The following CCDC171 variants were observed in gnomAD, a reference collection of about 807,000 sequenced individuals.
The protein encoded by CCDC171 is coiled-coil domain containing 171, also known as coiled-coil domain-containing protein 171.
Under a neutral mutation model 168.2 loss-of-function variants are expected in CCDC171, and 177 were observed. That is an observed-to-expected ratio of 1.05 (90% CI 0.93 to 1.19). The LOEUF (loss-of-function observed/expected upper bound fraction) is 1.19. Among genes scored for constraint, CCDC171 ranks in the 50% most tolerant of loss-of-function variants. The pLI is 0.00. For missense variants in CCDC171, 1,991 were observed against 1,539.0 expected (o/e 1.29, Z -4.91); for synonymous variants, 687 against 540.8 (o/e 1.27, Z -3.75).
At chr9:15,847,250 G>A (rs920333362) in intron 22 of CCDC171, among the ~76,000 whole-genome samples, 4 of 151,770 alleles carry the variant, frequency 2.6e-5, no homozygotes, top group East Asian at 1.9e-4. Context: ...CTAATATTGC[G>A]AGTAATATTT....
intron 7 of CCDC171, among the ~76,000 whole-genome samples, chr9:15,654,480 G>A (rs2047767076): frequency 6.6e-6 from 1 of 152,202 alleles, no homozygotes; most frequent in Non-Finnish European, 1.5e-5. Flanking sequence ...GATTTGCCCA[G>A]AAAGAAGTAT....
At chr9:15,573,263 G>T (rs1268332598) in intron 3 of CCDC171, among the ~76,000 whole-genome samples, 1 of 151,994 alleles carries the variant, frequency 6.6e-6, no homozygotes, top group Admixed American at 6.6e-5. Context: ...AGCATTTGAG[G>T]TAATATTATT....
At chr9:15,714,155 G>A (rs933422479) in intron 11 of CCDC171, among the ~76,000 whole-genome samples, 2 of 152,152 alleles carry the variant, frequency 1.3e-5, no homozygotes, top group African/African-American at 4.8e-5. Context: ...TGCTGATGTG[G>A]TAGGAATCAC....
the CCDC171 span, among the ~76,000 whole-genome samples, chr9:16,074,528 C>T: frequency 6.6e-6 from 1 of 152,126 alleles, no homozygotes; most frequent in Non-Finnish European, 1.5e-5. Context: ...ACTGTTCTTT[C>T]CTCACAGTGC....
In CCDC171 at chr9:15,557,210, T is replaced by A. The variant is rs560497750; in HGVS notation, c.-112+3908T>A. ...GCTTTGTTCTTTTTGCTTAGGATTG[T>A]CTTGGCAATGTGGGCTCTTTTTTGG... On this transcript the variant is annotated intron_variant, in intron 1 of 25. Coordinates refer to ENST00000380701, the MANE Select transcript of CCDC171 (RefSeq NM_173550.4). Among the ~76,000 whole-genome samples the A allele has an allele frequency of 3.1e-3, 478 of 152,240 alleles. 4 individuals are homozygous for A. The highest frequency in any genetic ancestry group is 0.011 in the African/African-American group (453 of 41,556).
chr9:15,671,055 G>A (rs972472213), intron 9 of CCDC171, among the ~76,000 whole-genome samples: 1 of 152,152 alleles, frequency 6.6e-6, no homozygotes, highest in East Asian at 1.9e-4. Context: ...TCATGCCACT[G>A]TACTTCAGTG....
the CCDC171 span, among the ~76,000 whole-genome samples, chr9:16,092,876 C>T: frequency 6.6e-6 from 1 of 152,144 alleles, no homozygotes; most frequent in Admixed American, 6.5e-5. Context: ...CTCAGGCCAG[C>T]TGGGTAGCAG....
At chr9:15,692,422 T>C (rs1393481790) in intron 10 of CCDC171, among the ~76,000 whole-genome samples, 1 of 152,146 alleles carries the variant, frequency 6.6e-6, no homozygotes, top group Non-Finnish European at 1.5e-5. Context: ...CTTTTTACTC[T>C]TTTTTAAAAA....
intron 9 of CCDC171, 108 bp downstream of exon 9, chr9:15,666,431 A>G: frequency 2.8e-6 from 2 of 709,050 alleles, no homozygotes; most frequent in East Asian, 5.5e-5. Flanking sequence ...CATTAATGTC[A>G]GTGGTAGACT....
At chr9:15,596,580 A>C (rs1220243267) in intron 6 of CCDC171, among the ~76,000 whole-genome samples, 2 of 152,038 alleles carry the variant, frequency 1.3e-5, no homozygotes, top group Non-Finnish European at 2.9e-5. Context: ...AGGTAGCGTG[A>C]TGCCTCCAGC....
chr9:15,991,295 A>G (rs1480813290), intron 3 of CCDC171, among the ~76,000 whole-genome samples: 1 of 152,156 alleles, frequency 6.6e-6, no homozygotes, highest in Non-Finnish European at 1.5e-5. Context: ...CCGCTCAACT[A>G]CATGGAAACT....
rs748436107 is a variant in CCDC171, at chr9:15,594,065, G to C, written c.568G>C (p.Glu190Gln). Residue 190 changes from glutamate (E) to glutamine (Q), a missense_variant, in exon 6 of 26, where the codon GAG becomes CAG. Transcript: ENST00000380701. ...LQEALEKHQR[E>Q]KNEMESHIRE... Reference sequence around the variant, plus strand: ...GGAAGCGTTGGAAAAACATCAACGGGAGAAGAATGAGATGGAGTCTCATAT... The same window carrying C: ...GGAAGCGTTGGAAAAACATCAACGGCAGAAGAATGAGATGGAGTCTCATAT... 12 of 1,591,624 alleles carry C rather than the reference G, an allele frequency of 7.5e-6. No individual in the cohort carries two copies. The East Asian group carries it at 2.7e-4, about 36-fold the overall frequency.
At chr9:16,055,799 T>C (rs1241237895) in intron 1 of CCDC171, among the ~76,000 whole-genome samples, 1 of 152,260 alleles carries the variant, frequency 6.6e-6, no homozygotes, top group Non-Finnish European at 1.5e-5. Flanking sequence ...AAGCGGATTA[T>C]TCCTGATGCT....
intron 21 of CCDC171, among the ~76,000 whole-genome samples, chr9:15,841,389 C>G (rs1164939167): frequency 1.3e-5 from 2 of 151,932 alleles, no homozygotes; most frequent in East Asian, 1.9e-4. Flanking sequence ...TTAATCCTGC[C>G]TTTTACATTT....
chr9:15,994,367 A>G (rs1285261342), intron 3 of CCDC171, among the ~76,000 whole-genome samples: 1 of 152,186 alleles, frequency 6.6e-6, no homozygotes, highest in Non-Finnish European at 1.5e-5. Context: ...GTTCTCACTC[A>G]TAGGTGGGAA....
At chr9:16,004,589 C>T (rs144641664) in intron 3 of CCDC171, among the ~76,000 whole-genome samples, 185 of 152,246 alleles carry the variant, frequency 1.2e-3, no homozygotes, top group African/African-American at 4.1e-3. Context: ...GCCTGCACAT[C>T]GTATGACTCT....
chr9:15,936,913 A>T (rs1275429916), intron 25 of CCDC171, among the ~76,000 whole-genome samples: 1 of 152,048 alleles, frequency 6.6e-6, no homozygotes, highest in Non-Finnish European at 1.5e-5. Flanking sequence ...TTAGGTGGAA[A>T]GATTGCCAGA....
At chr9:15,836,612 A>T (rs550916229) in intron 21 of CCDC171, among the ~76,000 whole-genome samples, 1 of 152,096 alleles carries the variant, frequency 6.6e-6, no homozygotes, top group East Asian at 1.9e-4. Flanking sequence ...CGGCCTCCCA[A>T]AGTCCTGGGA....
intron 9 of CCDC171, among the ~76,000 whole-genome samples, chr9:15,669,750 C>G (rs926793608): frequency 3.3e-5 from 5 of 152,000 alleles, no homozygotes; most frequent in South Asian, 4.1e-4. Flanking sequence ...ATATATCATG[C>G]TGAATGGACT....
Sources: gnomAD v4.1 joint callset for allele counts (sites outside exome capture counted in the v4.1 genomes callset) on GRCh38, gnomAD v4.1.1 for gene constraint, MANE v1.5 for transcripts, NCBI Gene and HGNC (gene_info 2026-07-23, HGNC 2026-07-21) for gene names.